The following FOCAD variants were observed in gnomAD, a reference collection of about 807,000 sequenced individuals.
The protein encoded by FOCAD is focadhesin.
Under a neutral mutation model 225.6 loss-of-function variants are expected in FOCAD, and 198 were observed. That is an observed-to-expected ratio of 0.88 (90% CI 0.78 to 0.99). FOCAD has a LOEUF of 0.99. Ranked by LOEUF, FOCAD falls within the 50% of genes least tolerant of loss-of-function variation. FOCAD has a pLI of 0.00. For synonymous variants in FOCAD, 897 were observed against 755.0 expected, an observed-to-expected ratio of 1.19 and a Z score of -3.08; for missense variants, 2,713 against 2,123.6, an observed-to-expected ratio of 1.28 and a Z score of -5.46.
At chr9:20,903,174 A>G (rs1220707370) in intron 21 of FOCAD, among the ~76,000 whole-genome samples, 2 of 151,910 alleles carry the variant, frequency 1.3e-5, no homozygotes, top group African/African-American at 2.4e-5. Context: ...ACAATCTCAC[A>G]TGACCAAGAG....
intron 1 of FOCAD, among the ~76,000 whole-genome samples, chr9:20,706,914 T>C (rs1824434713): frequency 6.6e-6 from 1 of 152,178 alleles, no homozygotes; most frequent in Non-Finnish European, 1.5e-5. Context: ...TGTGCGTGGT[T>C]GTGTCTAGGC....
rs1258531631 is a variant in FOCAD, at chr9:20,995,660, G to C, written c.*31G>C. ...TTTGCAGTAACCAGCAGCATTCTCA[G>C]CTGGATGAGGAAAACCATATAAGTG... On this transcript the variant is annotated 3_prime_UTR_variant, in exon 44 of 44. Transcript: ENST00000338382. The C allele has an allele frequency of 6.3e-7, 1 of 1,591,254 alleles. No individual in the cohort carries two copies. Among genetic ancestry groups the C allele is most frequent in the Admixed American group, 1.7e-5 (1 of 59,710 alleles).
At chr9:20,874,411 C>T (rs928168883) in intron 18 of FOCAD, 2 of 270,144 alleles carry the variant, frequency 7.4e-6, no homozygotes, top group Admixed American at 5.4e-5. Flanking sequence ...ATAATCATTG[C>T]TTATACTGGC....
chr9:20,728,911 A>G (rs1204683431), intron 4 of FOCAD, among the ~76,000 whole-genome samples: 1 of 152,212 alleles, frequency 6.6e-6, no homozygotes, highest in East Asian at 1.9e-4. Context: ...CAAATGGGAT[A>G]TAAACTGTGT....
chr9:20,764,428 A>G (rs1215138154), intron 6 of FOCAD, among the ~76,000 whole-genome samples: 2 of 152,076 alleles, frequency 1.3e-5, no homozygotes, highest in Admixed American at 6.5e-5. Flanking sequence ...TAATTTTTGT[A>G]TTTTTAGTAG....
chr9:20,803,258 CCA>C (rs1280241924), intron 11 of FOCAD, among the ~76,000 whole-genome samples: 1 of 152,010 alleles, frequency 6.6e-6, no homozygotes, highest in African/African-American at 2.4e-5. Context: ...ATGAGTGCCA[CCA>C]GTGGCAGCTC....
At chr9:20,887,836 T>G (rs908153419) in intron 21 of FOCAD, among the ~76,000 whole-genome samples, 1 of 152,220 alleles carries the variant, frequency 6.6e-6, no homozygotes, top group Non-Finnish European at 1.5e-5. Flanking sequence ...TTGCTCTGCC[T>G]TCTTGTCAGT....
Position 20,976,539 on chromosome 9 carries a change from CT to C in FOCAD, c.4253del (p.Leu1418GlnfsTer16). On this transcript the variant is annotated frameshift_variant, in exon 36 of 44. Coordinates refer to ENST00000338382, the MANE Select transcript of FOCAD (RefSeq NM_001375567.1). LOFTEE classifies it high-confidence loss of function. ...WAALLSPLMR[L>X]NFGEEIQQLC... Reference sequence around the variant, plus strand: ...TGCACTTCTCTCTCCACTTATGAGGCTAAATTTTGGTAAATATCATGTGTTT... The same window carrying C: ...TGCACTTCTCTCTCCACTTATGAGGCAAATTTTGGTAAATATCATGTGTTT... 6.2e-7 allele frequency: 1 copy of C among 1,612,784 alleles called. No homozygotes were observed. The highest frequency in any genetic ancestry group is 1.1e-5 in the South Asian group (1 of 91,066).
intron 35 of FOCAD, among the ~76,000 whole-genome samples, chr9:20,964,896 A>G (rs1485520420): frequency 1.3e-5 from 2 of 152,118 alleles, no homozygotes; most frequent in Non-Finnish European, 2.9e-5. Flanking sequence ...GCGCACTACT[A>G]TACCTGTTGG....
intron 21 of FOCAD, among the ~76,000 whole-genome samples, chr9:20,903,953 C>T (rs1832750261): frequency 6.6e-6 from 1 of 151,864 alleles, no homozygotes; most frequent in Non-Finnish European, 1.5e-5. Flanking sequence ...AGCTACTAAT[C>T]TACTTTCTGT....
At chr9:20,885,294 GTTGT>G (rs1372992083) in intron 21 of FOCAD, 64 bp downstream of exon 21, 3 of 1,314,838 alleles carry the variant, frequency 2.3e-6, no homozygotes, top group African/African-American at 3.0e-5. Flanking sequence ...TGTTTAAGAA[GTTGT>G]TTGTTTAGAA....
chr9:20,979,067 A>T (rs1840458651), intron 37 of FOCAD, among the ~76,000 whole-genome samples: 1 of 152,236 alleles, frequency 6.6e-6, no homozygotes, highest in Admixed American at 6.5e-5. Context: ...CCAAGGGCAG[A>T]TAGGAAGAAT....
intron 15 of FOCAD, among the ~76,000 whole-genome samples, chr9:20,830,506 A>C (rs999796405): frequency 2.0e-5 from 3 of 151,582 alleles, no homozygotes; most frequent in Non-Finnish European, 4.4e-5. Flanking sequence ...TTTTCATTGT[A>C]TTTTCTTTAT....
chr9:20,951,185 A>T, intron 34 of FOCAD, 87 bp downstream of exon 34: 1 of 973,122 alleles, frequency 1.0e-6, no homozygotes, highest in Non-Finnish European at 1.6e-6. Flanking sequence ...ATTAATCTTC[A>T]CAACAACCCT....
chr9:20,862,028 T>A (rs1828814767), intron 15 of FOCAD, among the ~76,000 whole-genome samples: 1 of 152,114 alleles, frequency 6.6e-6, no homozygotes, highest in African/African-American at 2.4e-5. Flanking sequence ...CGGAATTAAC[T>A]TTTAAGACAT....
chr9:20,802,382 C>T (rs916128257), intron 11 of FOCAD, among the ~76,000 whole-genome samples: 3 of 152,044 alleles, frequency 2.0e-5, no homozygotes, highest in South Asian at 4.2e-4. Context: ...AGTGTCTTTA[C>T]ACTTCCTTTT....
chr9:20,714,741 A>G (rs1188787837), intron 1 of FOCAD, among the ~76,000 whole-genome samples: 1 of 148,248 alleles, frequency 6.7e-6, no homozygotes, highest in African/African-American at 2.5e-5. Context: ...TTGTGAGCCC[A>G]GTAGGAATGA....
chr9:20,729,971 A>G (rs774868697), intron 4 of FOCAD, among the ~76,000 whole-genome samples: 2 of 152,184 alleles, frequency 1.3e-5, no homozygotes, highest in Admixed American at 6.6e-5. Flanking sequence ...CTAAACAGCA[A>G]TAATAATAGA....
At chr9:20,787,263 T>C in intron 10 of FOCAD, among the ~76,000 whole-genome samples, 1 of 152,244 alleles carries the variant, frequency 6.6e-6, no homozygotes, top group African/African-American at 2.4e-5. Context: ...ACATAAGTTT[T>C]ATTTTTCTCT....
Sources: gnomAD v4.1 joint callset for allele counts (sites outside exome capture counted in the v4.1 genomes callset) on GRCh38, gnomAD v4.1.1 for gene constraint, MANE v1.5 for transcripts, NCBI Gene and HGNC (gene_info 2026-07-23, HGNC 2026-07-21) for gene names.